Variants in ZNF100 observed in about 807,000 individuals in gnomAD.
The protein encoded by ZNF100 is zinc finger protein 100 (Y1).
A neutral mutation model predicts 15.8 loss-of-function variants in ZNF100; 12 were observed. The observed-to-expected ratio is 0.76, with a 90% CI of 0.49 to 1.23. The LOEUF is 1.23. ZNF100 is among the 50% of genes most tolerant of loss of function. The pLI is 0.00. For synonymous variants in ZNF100, 226 were observed against 214.8 expected, an observed-to-expected ratio of 1.05 and a Z score of -0.45; for missense variants, 670 against 635.6, an observed-to-expected ratio of 1.05 and a Z score of -0.58.
rs370622709 is a variant in ZNF100, at chr19:21,765,683, CA to C, written c.96+10del. 970 of 1,603,084 alleles carry C rather than the reference CA, an allele frequency of 6.1e-4. 8 individuals are homozygous for C. The African/African-American group carries it at 0.012, about 20-fold the overall frequency. On this transcript the variant is annotated intron_variant, in intron 2 of 4. Coordinates refer to ENST00000358296, the MANE Select transcript of ZNF100 (RefSeq NM_173531.4). ...TTGGGTGAAGACAATTTTAATGTCT[CA>C]AGGGGTTACCTTTTCAAAATAAGAC... is the stretch of plus-strand genomic sequence containing the variant.
chr19:21,732,777 A>G (rs1393875967), intron 4 of ZNF100, among the ~76,000 whole-genome samples: 2 of 152,030 alleles, frequency 1.3e-5, no homozygotes, highest in African/African-American at 4.8e-5. Flanking sequence ...CTTGAAGACA[A>G]AAAAGGCTGA....
chr19:21,764,130 G>T lies in ZNF100; in HGVS notation c.96+1564C>A, dbSNP rs2036523624. ...TGAGAAGGCTGGGACATCTGCAGGA[G>T]AGACTCCCCAGAAAAAACTAACAAG... On this transcript the variant is annotated intron_variant, in intron 2 of 4. Transcript: ENST00000358296. Among the ~76,000 whole-genome samples, 3 of 152,128 alleles carry T rather than the reference G, an allele frequency of 2.0e-5. No homozygotes were observed. In the South Asian group the frequency reaches 6.2e-4, roughly 32 times the overall value.
At chr19:21,729,584 A>G (rs1221498248) in intron 4 of ZNF100, among the ~76,000 whole-genome samples, 4 of 152,072 alleles carry the variant, frequency 2.6e-5, no homozygotes, top group East Asian at 3.9e-4. Context: ...AAGAAAAAAT[A>G]AAAACAAAAC....
At chr19:21,730,135 G>C (rs528856187) in intron 4 of ZNF100, among the ~76,000 whole-genome samples, 68 of 151,308 alleles carry the variant, frequency 4.5e-4, no homozygotes, top group Non-Finnish European at 8.3e-4. Flanking sequence ...AAATATATAT[G>C]TTTAACTTTC....
At chr19:21,740,641 G>T (rs983574714) in intron 4 of ZNF100, among the ~76,000 whole-genome samples, 3 of 152,072 alleles carry the variant, frequency 2.0e-5, no homozygotes, top group Admixed American at 2.0e-4. Flanking sequence ...GATCACCTGA[G>T]GTCAGGAGTT....
intron 2 of ZNF100, among the ~76,000 whole-genome samples, chr19:21,747,600 G>A (rs1280896249): frequency 1.3e-5 from 2 of 152,138 alleles, no homozygotes; most frequent in South Asian, 2.1e-4. Flanking sequence ...AGCAGGCACC[G>A]CACAGAGTCC....
At chr19:21,746,206 T>G (rs990988080) in intron 2 of ZNF100, among the ~76,000 whole-genome samples, 1 of 152,230 alleles carries the variant, frequency 6.6e-6, no homozygotes, top group Non-Finnish European at 1.5e-5. Context: ...TGCCTAGATA[T>G]TGCCCCTCCA....
In ZNF100 at chr19:21,724,420, C is replaced by T. The variant is rs773997130; in HGVS notation, c.*2263G>A. On this transcript the variant is annotated 3_prime_UTR_variant, in exon 5 of 5. Coordinates refer to ENST00000358296, the MANE Select transcript of ZNF100 (RefSeq NM_173531.4). ...ATGTCTGCATGTGTTTGCAGGCAGA[C>T]AGGAAACATGCTCAAAAAATAAATA... 1 of 152,032 alleles carries T rather than the reference C, an allele frequency of 6.6e-6. No homozygotes were observed. The highest frequency in any genetic ancestry group is 6.6e-5 in the Admixed American group (1 of 15,262). 9.4% of individuals were successfully genotyped at this position (152,032 alleles called of 1,614,324 possible).
At chr19:21,755,280 C>A (rs937927823) in intron 2 of ZNF100, among the ~76,000 whole-genome samples, 1 of 151,422 alleles carries the variant, frequency 6.6e-6, no homozygotes, top group Non-Finnish European at 1.5e-5. Flanking sequence ...GCACTCCAGC[C>A]TGGCCAATGA....
chr19:21,740,139 A>C (rs2036082529), intron 4 of ZNF100, among the ~76,000 whole-genome samples: 1 of 152,222 alleles, frequency 6.6e-6, no homozygotes. Flanking sequence ...TAAACAGATG[A>C]AAGAGCAGAA....
rs569169011 is a variant in ZNF100, at chr19:21,734,371, C to T, written c.323-6382G>A. 3.1e-4 allele frequency among the ~76,000 whole-genome samples: 47 copies of T among 152,210 alleles called. 1 individual carries two copies. The highest frequency in any genetic ancestry group is 9.9e-4 in the African/African-American group (41 of 41,538). On this transcript the variant is annotated intron_variant, in intron 4 of 4. Transcript: ENST00000358296. ...TAACCAGTTTAGAGAGGAACATAAA[C>T]GACCTGATGCAACTGAAAAACAACA...
chr19:21,754,207 T>A (rs972176725), intron 2 of ZNF100, among the ~76,000 whole-genome samples: 1 of 151,198 alleles, frequency 6.6e-6, no homozygotes, highest in Non-Finnish European at 1.5e-5. Flanking sequence ...TGATAAATAA[T>A]GGTATAAAAA....
chr19:21,751,874 G>T, intron 2 of ZNF100: 1 of 682,846 alleles, frequency 1.5e-6, no homozygotes, highest in South Asian at 2.0e-5. Flanking sequence ...TTTCAGCGCT[G>T]ATCAACTTCA....
rs151039876 is a variant in ZNF100, at chr19:21,762,966, T to C, written c.96+2728A>G. ...TGGTGATGAGTGTGACCTCTGGTCA[T>C]CCTCACTGCTACACTCCCATCAGTG... On this transcript the variant is annotated intron_variant, in intron 2 of 4. Transcript: ENST00000358296. Among the ~76,000 whole-genome samples the C allele has an allele frequency of 3.2e-3, 480 of 152,254 alleles. 2 individuals carry two copies. The highest frequency in any genetic ancestry group is 0.011 in the African/African-American group (463 of 41,540).
intron 4 of ZNF100, among the ~76,000 whole-genome samples, chr19:21,740,496 C>A (rs2145709086): frequency 6.8e-6 from 1 of 147,968 alleles, no homozygotes; most frequent in South Asian, 2.2e-4. Context: ...AAAAAAAAAA[C>A]ATTCAACTGT....
intron 4 of ZNF100, among the ~76,000 whole-genome samples, chr19:21,733,459 G>A (rs1029934883): frequency 1.3e-4 from 19 of 151,938 alleles, no homozygotes; most frequent in Admixed American, 1.0e-3. Flanking sequence ...TATACTTCTG[G>A]AAAGTATGCA....
At chr19:21,738,434 C>CA (rs1411882841) in intron 4 of ZNF100, among the ~76,000 whole-genome samples, 1 of 151,936 alleles carries the variant, frequency 6.6e-6, no homozygotes, top group Non-Finnish European at 1.5e-5. Context: ...CTGTAGTAAC[C>CA]AAAACAGCCT....
At chr19:21,748,962 T>A (rs2036257318) in intron 2 of ZNF100, among the ~76,000 whole-genome samples, 3 of 152,186 alleles carry the variant, frequency 2.0e-5, no homozygotes, top group Non-Finnish European at 4.4e-5. Flanking sequence ...TGCCTCGGCC[T>A]CCCAAAGTGC....
chr19:21,758,608 G>A (rs755153614), intron 2 of ZNF100, among the ~76,000 whole-genome samples: 1 of 152,150 alleles, frequency 6.6e-6, no homozygotes, highest in African/African-American at 2.4e-5. Flanking sequence ...ATTGTCTGGG[G>A]GTTGGGATAT....
Sources: allele counts gnomAD v4.1 joint callset (sites outside exome capture counted in the v4.1 genomes callset), GRCh38; gene constraint gnomAD v4.1.1; transcripts MANE v1.5; gene names NCBI Gene and HGNC (gene_info 2026-07-23, HGNC 2026-07-21).